AFF4: variants seen among roughly 807,000 people sequenced by gnomAD.
The protein encoded by AFF4 is AF4/FMR2 family member 4.
Under a neutral mutation model 124.8 loss-of-function variants are expected in AFF4, and 13 were observed. The ratio of observed to expected loss-of-function variants is 0.10; its 90% CI spans 0.07 to 0.17. The LOEUF is 0.17. AFF4 is among the 10% of genes least tolerant of loss of function. The pLI, the probability that AFF4 is intolerant of heterozygous loss-of-function variation, is 1.00. For synonymous variants in AFF4, 477 were observed against 496.1 expected (o/e 0.96, Z 0.51); for missense variants, 1,092 against 1,403.8 (o/e 0.78, Z 3.55).
At chr5:132,931,595 T>C (rs1761301420) in intron 4 of AFF4, among the ~76,000 whole-genome samples, 1 of 152,242 alleles carries the variant, frequency 6.6e-6, no homozygotes, top group African/African-American at 2.4e-5. Flanking sequence ...GAAAGTACAG[T>C]TATAATTGGC....
intron 1 of AFF4, among the ~76,000 whole-genome samples, chr5:132,944,404 T>C (rs1200595695): frequency 6.6e-6 from 1 of 151,986 alleles, no homozygotes; most frequent in African/African-American, 2.4e-5. Flanking sequence ...CCCAGCACTT[T>C]GGAAGCCATG....
chr5:132,942,240 G>C (rs1311625643), intron 1 of AFF4, among the ~76,000 whole-genome samples: 2 of 152,106 alleles, frequency 1.3e-5, no homozygotes, highest in Admixed American at 1.3e-4. Context: ...TTAATAATTT[G>C]CTGGAGAAGC....
chr5:132,899,084 GA>G lies in AFF4; in HGVS notation c.1226+19del. ...TGACCCAACTCTTACCAATAAAACA[GA>G]AAAGAAAAGGATGCCCACCTTCCTG... On this transcript the variant is annotated intron_variant, in intron 9 of 20. Coordinates refer to ENST00000265343, the MANE Select transcript of AFF4 (RefSeq NM_014423.4). The G allele has an allele frequency of 6.2e-7, 1 of 1,610,418 alleles. No individual in the cohort carries two copies. The highest frequency in any genetic ancestry group is 1.1e-5 in the South Asian group (1 of 90,896).
intron 20 of AFF4, among the ~76,000 whole-genome samples, chr5:132,882,346 T>C (rs973945517): frequency 9.2e-5 from 14 of 152,144 alleles, no homozygotes; most frequent in African/African-American, 3.4e-4. Flanking sequence ...TGTGACAAAA[T>C]GACACTTGAT....
chr5:132,931,986 C>T (rs1380249370), intron 4 of AFF4, among the ~76,000 whole-genome samples, 192 bp downstream of exon 4: 1 of 151,866 alleles, frequency 6.6e-6, no homozygotes, highest in Non-Finnish European at 1.5e-5. Context: ...ACACAAAGAA[C>T]AAAACTAGCT....
intron 18 of AFF4, 96 bp downstream of exon 18, chr5:132,886,214 G>A (rs1383961987): frequency 3.0e-6 from 3 of 1,002,798 alleles, no homozygotes; most frequent in East Asian, 4.8e-5. Flanking sequence ...CTCCCCTGGT[G>A]TGTTTTGCAT....
chr5:132,892,529 G>C (rs1760289687), intron 12 of AFF4, 125 bp from the exon 13 acceptor site: 2 of 1,336,904 alleles, frequency 1.5e-6, no homozygotes, highest in Non-Finnish European at 2.0e-6. Flanking sequence ...TAGGACACAT[G>C]ATTTCTATAA....
At position 132,880,425 on chromosome 5, in the gene AFF4, G is replaced by A; in HGVS notation, c.*634C>T. On this transcript the variant is annotated 3_prime_UTR_variant, in exon 21 of 21. Transcript: ENST00000265343. ...ATTTCATAGTACATACATGTAGAAT[G>A]CCATTTTCTCATATTTAAGTGATTT... 1 of 398,508 alleles carries A rather than the reference G, an allele frequency of 2.5e-6. No individual in the cohort carries two copies. The highest frequency in any genetic ancestry group is 4.4e-6 in the Non-Finnish European group (1 of 225,850). 24.7% of individuals were successfully genotyped at this position (398,508 alleles called of 1,614,324 possible). A position where few individuals can be genotyped will look rare whatever the true frequency, so the allele number is the denominator to read the frequency against.
In AFF4 at chr5:132,927,194, G is replaced by T; in HGVS notation, c.977C>A (p.Ser326Ter). ...AATAGCCGTTAGAGGGGGAGGCCATGAATGCGTCATCTCCTGAAATGTAAT... is the reference window on the plus strand; with the variant it reads ...AATAGCCGTTAGAGGGGGAGGCCATTAATGCGTCATCTCCTGAAATGTAAT... ...VDEILKEMTH[S>*]WPPPLTAIHT... Residue 326 changes from serine to a stop codon, truncating the protein, a stop_gained, in exon 5 of 21, where the codon TCA becomes TAA. Coordinates refer to ENST00000265343, the MANE Select transcript of AFF4 (RefSeq NM_014423.4). LOFTEE classifies it high-confidence loss of function. 1 of 1,610,400 alleles carries T rather than the reference G, an allele frequency of 6.2e-7. No homozygotes were observed. Among genetic ancestry groups the T allele is most frequent in the Non-Finnish European group, 8.5e-7 (1 of 1,178,830 alleles).
intron 11 of AFF4, among the ~76,000 whole-genome samples, chr5:132,894,331 CATT>C (rs1237198161): frequency 6.6e-6 from 1 of 152,224 alleles, no homozygotes; most frequent in African/African-American, 2.4e-5. Flanking sequence ...ACTTTGCCAA[CATT>C]TTTTATGGTC....
intron 7 of AFF4, among the ~76,000 whole-genome samples, chr5:132,901,791 A>T (rs1381574008): frequency 6.6e-6 from 1 of 152,188 alleles, no homozygotes; most frequent in Non-Finnish European, 1.5e-5. Flanking sequence ...ATACACATAC[A>T]ACTCTCAGAT....
Position 132,934,655 on chromosome 5 carries a change from C to G in AFF4, c.410G>C (p.Ser137Thr). ...LQSGHSSQRT[S>T]AGSSSGTNSS... ...GTTAGTGCCACTACTGCTACCTGCG[C>G]TGGTCCGCTGGCTACTATGTCCACT... The change falls in exon 3 of 21, where the codon AGC becomes ACC. Residue 137 changes from serine (S) to threonine (T), a missense_variant. Transcript: ENST00000265343. 1 of 1,614,192 alleles carries G rather than the reference C, an allele frequency of 6.2e-7. No homozygotes were observed. Among genetic ancestry groups the G allele is most frequent in the Admixed American group, 1.7e-5 (1 of 60,020 alleles).
chr5:132,883,578 G>GA lies in AFF4; in HGVS notation c.3144-19dup, dbSNP rs1760041280. On this transcript the variant is annotated intron_variant, in intron 19 of 20. Coordinates refer to ENST00000265343, the MANE Select transcript of AFF4 (RefSeq NM_014423.4). ...CAGCTTTGCTACACAACAGAAATAG[G>GA]AAGCTTGTTCATATGGACATGGTAA... 6.2e-7 allele frequency: 1 copy of GA among 1,609,752 alleles called. No homozygotes were observed. Among genetic ancestry groups the GA allele is most frequent in the African/African-American group, 1.3e-5 (1 of 74,800 alleles).
intron 1 of AFF4, among the ~76,000 whole-genome samples, chr5:132,940,870 T>C (rs1045096440): frequency 6.6e-6 from 1 of 151,692 alleles, no homozygotes; most frequent in Admixed American, 6.6e-5. Flanking sequence ...CCACCAAAAA[T>C]ACAAAAATTA....
chr5:132,915,729 G>A (rs1003682750), intron 5 of AFF4, among the ~76,000 whole-genome samples: 1 of 151,200 alleles, frequency 6.6e-6, no homozygotes. Flanking sequence ...CACCACGCTC[G>A]GCTAATTTTT....
At chr5:132,922,004 C>T (rs1442574655) in intron 5 of AFF4, among the ~76,000 whole-genome samples, 1 of 152,032 alleles carries the variant, frequency 6.6e-6, no homozygotes. Flanking sequence ...ACACTGGTCT[C>T]AAACTCCTGG....
chr5:132,886,988 T>A (rs1273863007), intron 17 of AFF4, among the ~76,000 whole-genome samples: 1 of 152,238 alleles, frequency 6.6e-6, no homozygotes, highest in Non-Finnish European at 1.5e-5. Context: ...TTAATTCATA[T>A]GGACTTGTAT....
chr5:132,876,219 AGT>A lies in AFF4; in HGVS notation c.*4838_*4839del. Reference sequence around the variant, plus strand: ...CCCCTACCCCCACCCCACCCATCCCAGTACTGTTGAATGCTCATGTTAATGAT... The same window carrying A: ...CCCCTACCCCCACCCCACCCATCCCAACTGTTGAATGCTCATGTTAATGAT... On this transcript the variant is annotated 3_prime_UTR_variant, in exon 21 of 21. Transcript: ENST00000265343. 8.8e-6 allele frequency: 1 copy of A among 113,840 alleles called. No homozygotes were observed. The highest frequency in any genetic ancestry group is 1.7e-5 in the Non-Finnish European group (1 of 59,394). 7.1% of individuals were successfully genotyped at this position (113,840 alleles called of 1,614,324 possible). A position where few individuals can be genotyped will look rare whatever the true frequency, so the allele number is the denominator to read the frequency against.
intron 5 of AFF4, among the ~76,000 whole-genome samples, chr5:132,922,764 G>A (rs1399563383): frequency 1.4e-5 from 2 of 141,070 alleles, no homozygotes; most frequent in East Asian, 4.2e-4. Context: ...TGGCGGTAGA[G>A]CGAGACTCCA....
Sources: gnomAD v4.1 joint callset for allele counts (sites outside exome capture counted in the v4.1 genomes callset) on GRCh38, gnomAD v4.1.1 for gene constraint, MANE v1.5 for transcripts, NCBI Gene and HGNC (gene_info 2026-07-23, HGNC 2026-07-21) for gene names.